SLC38A9: variants seen among roughly 807,000 people sequenced by gnomAD.
SLC38A9 encodes the protein neutral amino acid transporter 9.
In SLC38A9, 48 loss-of-function variants were observed where a neutral mutation model predicts 62.3. The ratio of observed to expected loss-of-function variants is 0.77; its 90% CI spans 0.61 to 0.98. The LOEUF is 0.98. Ranked by LOEUF, SLC38A9 falls within the 50% of genes least tolerant of loss-of-function variation. SLC38A9 has a pLI of 0.00. For missense variants in SLC38A9, 541 were observed against 679.8 expected, an observed-to-expected ratio of 0.80 and a Z score of 2.27; for synonymous variants, 204 against 227.7, an observed-to-expected ratio of 0.90 and a Z score of 0.94.
At chr5:55,632,549 A>G (rs1366238163) in intron 14 of SLC38A9, among the ~76,000 whole-genome samples, 1 of 152,214 alleles carries the variant, frequency 6.6e-6, no homozygotes, top group Non-Finnish European at 1.5e-5. Flanking sequence ...AGCCTCAGAA[A>G]CAAAAGTTTT....
chr5:55,680,564 C>A (rs1252830401), intron 3 of SLC38A9, among the ~76,000 whole-genome samples: 1 of 151,794 alleles, frequency 6.6e-6, no homozygotes, highest in Non-Finnish European at 1.5e-5. Flanking sequence ...GATCAAATGC[C>A]AGTGCCTTGA....
At chr5:55,646,319 C>T (rs1450898386) in intron 11 of SLC38A9, among the ~76,000 whole-genome samples, 1 of 151,642 alleles carries the variant, frequency 6.6e-6, no homozygotes, top group Admixed American at 6.6e-5. Context: ...TGTAGTAAGC[C>T]GAGATCACAC....
chr5:55,710,719 G>T (rs533817797), intron 2 of SLC38A9, among the ~76,000 whole-genome samples: 146 of 151,470 alleles, frequency 9.6e-4, no homozygotes, highest in Non-Finnish European at 1.9e-3. Context: ...GGGTTCAAGC[G>T]ATTCTCCTGC....
At chr5:55,628,772 TA>T (rs1312240938) in intron 14 of SLC38A9, among the ~76,000 whole-genome samples, 1 of 152,188 alleles carries the variant, frequency 6.6e-6, no homozygotes, top group Non-Finnish European at 1.5e-5. Context: ...CTAAATACTT[TA>T]ACTAGATATT....
At chr5:55,647,736 T>C (rs114765784) in intron 11 of SLC38A9, among the ~76,000 whole-genome samples, 1,810 of 152,338 alleles carry the variant, frequency 0.012, 29 homozygotes, top group African/African-American at 0.04. Flanking sequence ...GTCAGCTTTT[T>C]CCCATTAACT....
chr5:55,632,582 T>A (rs1463452717), intron 14 of SLC38A9, among the ~76,000 whole-genome samples: 1 of 152,194 alleles, frequency 6.6e-6, no homozygotes, highest in South Asian at 2.1e-4. Flanking sequence ...TGAATCTCAG[T>A]CCCATTCTCC....
chr5:55,692,795 G>C (rs545899803), intron 3 of SLC38A9: 1 of 985,268 alleles, frequency 1.0e-6, no homozygotes, highest in Admixed American at 6.1e-5. Flanking sequence ...ACAGAATTTA[G>C]AATTTTCAAG....
At chr5:55,671,922 T>A (rs1181980572) in intron 4 of SLC38A9, among the ~76,000 whole-genome samples, 1 of 152,096 alleles carries the variant, frequency 6.6e-6, no homozygotes, top group Non-Finnish European at 1.5e-5. Context: ...GCTCACTGCA[T>A]CCTCAAGGGA....
At chr5:55,647,695 T>G (rs1746637112) in intron 11 of SLC38A9, among the ~76,000 whole-genome samples, 1 of 152,232 alleles carries the variant, frequency 6.6e-6, no homozygotes, top group South Asian at 2.1e-4. Flanking sequence ...ACTGTTAGGT[T>G]TCTAACTTGT....
intron 7 of SLC38A9, among the ~76,000 whole-genome samples, chr5:55,668,340 A>G (rs1439599459): frequency 6.6e-6 from 1 of 152,256 alleles, no homozygotes; most frequent in Non-Finnish European, 1.5e-5. Flanking sequence ...GGCTAAAATT[A>G]TCTCCTCTTA....
At chr5:55,684,892 G>A (rs182899304) in intron 3 of SLC38A9, among the ~76,000 whole-genome samples, 2 of 152,242 alleles carry the variant, frequency 1.3e-5, no homozygotes, top group Admixed American at 6.5e-5. Context: ...GACCTCAGAT[G>A]ATTCACCTGC....
intron 12 of SLC38A9, among the ~76,000 whole-genome samples, chr5:55,639,697 C>T (rs1745088648): frequency 6.6e-6 from 1 of 151,982 alleles, no homozygotes; most frequent in Non-Finnish European, 1.5e-5. Context: ...AATGAAATGA[C>T]AAAAAGTTTT....
chr5:55,662,015 A>C (rs913154133), intron 8 of SLC38A9, among the ~76,000 whole-genome samples: 1 of 152,226 alleles, frequency 6.6e-6, no homozygotes, highest in Non-Finnish European at 1.5e-5. Context: ...AGGATGTGGA[A>C]CAAGGGTAAC....
chr5:55,709,523 A>T (rs1037558557), intron 2 of SLC38A9, among the ~76,000 whole-genome samples: 14 of 152,028 alleles, frequency 9.2e-5, no homozygotes, highest in Non-Finnish European at 8.8e-5. Context: ...TCAAGGTAAC[A>T]GTTAGCTATG....
intron 3 of SLC38A9, chr5:55,693,037 A>G (rs1211281924): frequency 1.0e-6 from 1 of 981,130 alleles, no homozygotes; most frequent in African/African-American, 1.7e-5. Flanking sequence ...GCTTAAACCA[A>G]CCATCTTTCA....
rs77867864 is a variant in SLC38A9, at chr5:55,666,256, T to A, written c.527-1393A>T. The stretch of plus-strand genomic sequence containing the variant: ...ATAAGAAAACAAAAAACTAAAACCA[T>A]TTGCTTTTCCATGATAGGATTATTA... On this transcript the variant is annotated intron_variant, in intron 7 of 15. Transcript: ENST00000396865. 6.2e-3 allele frequency among the ~76,000 whole-genome samples: 944 copies of A among 152,304 alleles called. 3 individuals are homozygous for A. Among genetic ancestry groups the A allele is most frequent in the Non-Finnish European group, 9.6e-3 (656 of 68,014 alleles).
rs1754749081 is a variant in SLC38A9 at position 55,691,594 on chromosome 5, T to C, written c.113+6252A>G. On this transcript the variant is annotated intron_variant, in intron 3 of 15. Coordinates refer to ENST00000396865, the MANE Select transcript of SLC38A9 (RefSeq NM_173514.4). ...GTCCGAGAATAGCAGCAATCCTGAA[T>C]ATGCAGCAACATCAAGCAATACTGA... 2.0e-5 allele frequency among the ~76,000 whole-genome samples: 3 copies of C among 152,226 alleles called. No individual in the cohort carries two copies. The South Asian group carries it at 6.2e-4, about 32-fold the overall frequency.
intron 12 of SLC38A9, among the ~76,000 whole-genome samples, chr5:55,642,351 T>G (rs925842902): frequency 6.6e-6 from 1 of 152,240 alleles, no homozygotes; most frequent in Non-Finnish European, 1.5e-5. Context: ...AGCCTGAGAC[T>G]GTTTTCTAGT....
chr5:55,646,281 GA>G (rs1746330788), intron 11 of SLC38A9, among the ~76,000 whole-genome samples: 1 of 152,100 alleles, frequency 6.6e-6, no homozygotes, highest in Non-Finnish European at 1.5e-5. Context: ...TGAGGCAGGG[GA>G]ATCGCTTGAA....
Sources: allele counts gnomAD v4.1 joint callset (sites outside exome capture counted in the v4.1 genomes callset), GRCh38; gene constraint gnomAD v4.1.1; transcripts MANE v1.5; gene names NCBI Gene and HGNC (gene_info 2026-07-23, HGNC 2026-07-21).